Variants in TRMT13 observed in about 807,000 individuals in gnomAD.
TRMT13 encodes the protein tRNA:m(4)X modification enzyme TRM13 homolog.
TRMT13 carries 45 observed loss-of-function variants against 55.9 expected under a neutral mutation model. The ratio of observed to expected loss-of-function variants is 0.80; its 90% CI spans 0.63 to 1.03. The LOEUF is 1.03. Ranked by LOEUF, TRMT13 falls within the 50% of genes least tolerant of loss-of-function variation. The pLI is 0.00. For synonymous variants in TRMT13, 183 were observed against 196.3 expected (o/e 0.93, Z 0.57); for missense variants, 513 against 563.9 (o/e 0.91, Z 0.91).
chr1:100,138,016 GA>G (rs1247253227), intron 3 of TRMT13, among the ~76,000 whole-genome samples: 5 of 152,136 alleles, frequency 3.3e-5, no homozygotes, highest in Non-Finnish European at 7.3e-5. Flanking sequence ...TGTGTTCAGA[GA>G]AAAGTTTGAG....
At chr1:100,137,347 C>T (rs148118430) in intron 3 of TRMT13, among the ~76,000 whole-genome samples, 2,442 of 152,178 alleles carry the variant, frequency 0.016, 34 homozygotes, top group Non-Finnish European at 0.022. Context: ...AGGCAAACGA[C>T]ACCACACCTG....
chr1:100,149,545 T>G lies in TRMT13; in HGVS notation c.*725T>G, dbSNP rs1657743029. 1 of 1,108,908 alleles carries G rather than the reference T, an allele frequency of 9.0e-7. No homozygotes were observed. Among genetic ancestry groups the G allele is most frequent in the South Asian group, 1.7e-5 (1 of 58,246 alleles). The allele number at this position is 1,108,908 out of a possible 1,614,324, so 68.7% of individuals were successfully genotyped here. A position where few individuals can be genotyped will look rare whatever the true frequency, so the allele number is the denominator to read the frequency against. On this transcript the variant is annotated 3_prime_UTR_variant, in exon 11 of 11. Coordinates refer to ENST00000370141, the MANE Select transcript of TRMT13 (RefSeq NM_019083.3). ...ACATAATTCACAAATTTGAAATAATTTCTGAAGTTGATTAGCTATCTCATA... is the reference window on the plus strand; with the variant it reads ...ACATAATTCACAAATTTGAAATAATGTCTGAAGTTGATTAGCTATCTCATA...
At chr1:100,141,132 T>C in intron 7 of TRMT13, 113 bp downstream of exon 7, 1 of 1,022,364 alleles carries the variant, frequency 9.8e-7, no homozygotes, top group Non-Finnish European at 1.4e-6. Context: ...TTTCTTTATC[T>C]GTTTGTTGTA....
At chr1:100,141,104 A>G in intron 7 of TRMT13, 85 bp downstream of exon 7, 3 of 1,243,456 alleles carry the variant, frequency 2.4e-6, no homozygotes, top group Non-Finnish European at 3.3e-6. Context: ...AACATTTCTT[A>G]AAAGAAAGGA....
intron 3 of TRMT13, 26 bp downstream of exon 3, chr1:100,137,111 A>G (rs1350047773): frequency 1.3e-6 from 2 of 1,581,790 alleles, no homozygotes; most frequent in African/African-American, 2.7e-5. Flanking sequence ...GTAAAATTGA[A>G]TGGTGAAATG....
At chr1:100,136,758 A>G (rs1395488992) in intron 1 of TRMT13, 124 bp from the exon 2 acceptor site, 2 of 938,752 alleles carry the variant, frequency 2.1e-6, no homozygotes, top group Admixed American at 3.1e-5. Flanking sequence ...CCAACTTTTC[A>G]TTATGTCCTT....
chr1:100,148,780 C>A lies in TRMT13; in HGVS notation c.1406C>A (p.Ala469Asp). Residue 469 changes from alanine (A) to aspartate (D), a missense_variant, in exon 11 of 11, where the codon GCT (alanine) becomes GAT (aspartate). Physicochemically the swap from Ala to Asp is moderately radical, Grantham distance 126. Around this residue, in one of 3 missense-constraint regions of TRMT13, gnomAD observed 209 missense variants for 255.8 expected, o/e 0.82. Coordinates refer to ENST00000370141, the MANE Select transcript of TRMT13 (RefSeq NM_019083.3). ...TCTTTGGAAAATGTTTTGTTAACTGCTTTACCAAATCATTCTTCATCACCA... is the reference window on the plus strand; with the variant it reads ...TCTTTGGAAAATGTTTTGTTAACTGATTTACCAAATCATTCTTCATCACCA... ...LVSLENVLLT[A>D]LPNHSSSPET... 1 of 1,539,934 alleles carries A rather than the reference C, an allele frequency of 6.5e-7. No homozygotes were observed. Among genetic ancestry groups the A allele is most frequent in the Non-Finnish European group, 8.7e-7 (1 of 1,146,748 alleles).
intron 7 of TRMT13, among the ~76,000 whole-genome samples, chr1:100,141,967 C>T (rs372356881): frequency 6.6e-6 from 1 of 152,104 alleles, no homozygotes; most frequent in Non-Finnish European, 1.5e-5. Flanking sequence ...AATGATGGGA[C>T]TGGAGAGGAT....
intron 1 of TRMT13, among the ~76,000 whole-genome samples, 171 bp from the exon 2 acceptor site, chr1:100,136,711 T>A (rs1655922842): frequency 6.6e-6 from 1 of 152,222 alleles, no homozygotes. Flanking sequence ...GCCAGTACAC[T>A]GGAGAGTTTT....
rs1049792689 is a variant in TRMT13, at chr1:100,149,388, A to G, written c.*568A>G. The G allele has an allele frequency of 5.4e-5, 84 of 1,546,174 alleles. No homozygotes were observed. In the Admixed American group the frequency reaches 1.6e-3, roughly 30 times the overall value. On this transcript the variant is annotated 3_prime_UTR_variant, in exon 11 of 11. Transcript: ENST00000370141. The stretch of plus-strand genomic sequence containing the variant: ...CACCTTCAAATTTCCAGAGCCATAC[A>G]TGTATATATTGTCAGAATCTGTCCA...
At chr1:100,139,837 C>G in intron 4 of TRMT13, 126 bp downstream of exon 4, 2 of 655,264 alleles carry the variant, frequency 3.1e-6, no homozygotes, top group Non-Finnish European at 5.2e-6. Flanking sequence ...TTCCTGTAGA[C>G]TTAATATTGT....
rs1655256052 is a variant in TRMT13, at chr1:100,133,209, C to T, written c.41C>T (p.Pro14Leu). The T allele has an allele frequency of 1.2e-6, 2 of 1,614,160 alleles. No individual in the cohort carries two copies. Among genetic ancestry groups the T allele is most frequent in the Non-Finnish European group, 8.5e-7 (1 of 1,180,040 alleles). The change falls in exon 1 of 11, where the codon CCA becomes CTA. Residue 14 changes from proline to leucine, a missense_variant. This residue lies in a region of TRMT13 where 298 missense variants were observed against 290.3 expected (regional missense o/e 1.03). Transcript: ENST00000370141. ...ACGTCGCCGCACGCGCCTGGTTTTC[C>T]AGCTGAGGGTAGATGCGGTTACTAT... ...SATSPHAPGFPAEGRCGYYVE... is the reference protein window; with the variant it reads ...SATSPHAPGFLAEGRCGYYVE...
rs770921235 is a variant in TRMT13 at position 100,139,761 on chromosome 1, C to G, written c.324+50C>G. ...ATTTTAAAAGATATTTATAAGCTCT[C>G]TTCATGATGTGAATAAGGCATGTTC... On this transcript the variant is annotated intron_variant, in intron 4 of 10. Transcript: ENST00000370141. 1.5e-5 allele frequency: 17 copies of G among 1,163,868 alleles called. No individual in the cohort carries two copies. In the South Asian group the frequency reaches 2.4e-4, roughly 17 times the overall value. 72.1% of individuals were successfully genotyped at this position (1,163,868 alleles called of 1,614,324 possible). A position where few individuals can be genotyped will look rare whatever the true frequency, so the allele number is the denominator to read the frequency against.
chr1:100,135,825 A>G (rs1655761348), intron 1 of TRMT13, among the ~76,000 whole-genome samples: 1 of 152,218 alleles, frequency 6.6e-6, no homozygotes, highest in Non-Finnish European at 1.5e-5. Context: ...CATGTGCCAC[A>G]TAATGACATT....
intron 1 of TRMT13, among the ~76,000 whole-genome samples, chr1:100,136,305 C>G (rs955934239): frequency 6.6e-6 from 1 of 152,100 alleles, no homozygotes; most frequent in African/African-American, 2.4e-5. Flanking sequence ...ATCTTAAAAT[C>G]CATATGTCAA....
chr1:100,134,441 T>A (rs528798549), intron 1 of TRMT13, among the ~76,000 whole-genome samples: 1 of 152,318 alleles, frequency 6.6e-6, no homozygotes, highest in South Asian at 2.1e-4. Context: ...AATTTATTCT[T>A]CTAGACAATA....
intron 3 of TRMT13, 128 bp downstream of exon 3, chr1:100,137,213 A>T (rs1655995051): frequency 1.3e-6 from 1 of 752,206 alleles, no homozygotes. Flanking sequence ...TTTTTTTTAA[A>T]GAGATAGGGT....
intron 9 of TRMT13, among the ~76,000 whole-genome samples, chr1:100,146,597 C>G (rs1452767313): frequency 1.3e-5 from 2 of 152,160 alleles, no homozygotes; most frequent in East Asian, 3.9e-4. Flanking sequence ...CCTCCGCCTC[C>G]CGGCTTCAAG....
At chr1:100,136,961 TGCTGG>T in intron 2 of TRMT13, 33 bp downstream of exon 2, 1 of 1,592,604 alleles carries the variant, frequency 6.3e-7, no homozygotes. Flanking sequence ...TTTTTTTTTG[TGCTGG>T]AAACAGTAAT....
Sources: allele counts gnomAD v4.1 joint callset (sites outside exome capture counted in the v4.1 genomes callset), GRCh38; gene constraint gnomAD v4.1.1; regional missense constraint gnomAD v4.1.1; transcripts MANE v1.5; gene names NCBI Gene and HGNC (gene_info 2026-07-23, HGNC 2026-07-21).